SCUBE1: variants seen among roughly 807,000 people sequenced by gnomAD.
SCUBE1 encodes the protein signal peptide, CUB and EGF-like domain-containing protein 1.
A neutral mutation model predicts 124.4 loss-of-function variants in SCUBE1; 59 were observed. The observed-to-expected ratio is 0.47, with a 90% confidence interval of 0.38 to 0.59. The LOEUF (loss-of-function observed/expected upper bound fraction) is 0.59. Among genes scored for constraint, SCUBE1 ranks in the 20% least tolerant of loss-of-function variants. SCUBE1 has a pLI of 0.00. For missense variants in SCUBE1, 1,150 were observed against 1,371.2 expected, an observed-to-expected ratio of 0.84 and a Z score of 2.55; for synonymous variants, 545 against 550.9, an observed-to-expected ratio of 0.99 and a Z score of 0.15.
chr22:43,227,318 C>G, intron 10 of SCUBE1, 56 bp downstream of exon 10: 1 of 1,568,260 alleles, frequency 6.4e-7, no homozygotes, highest in Non-Finnish European at 8.6e-7. Flanking sequence ...GCCACTGTCC[C>G]TCCCATCCAA....
chr22:43,284,979 C>T (rs933608046), intron 4 of SCUBE1, among the ~76,000 whole-genome samples: 1 of 152,148 alleles, frequency 6.6e-6, no homozygotes, highest in Non-Finnish European at 1.5e-5. Context: ...CGTATTTATG[C>T]ACGTGTTTAA....
intron 6 of SCUBE1, among the ~76,000 whole-genome samples, chr22:43,242,628 G>A (rs574572300): frequency 1.3e-4 from 20 of 152,324 alleles, no homozygotes; most frequent in Middle Eastern, 3.4e-3. Context: ...TGTGGAGGGC[G>A]GCTCAGGCGC....
At position 43,292,904 on chromosome 22, in the gene SCUBE1, T is replaced by C. The variant is rs184668975; in HGVS notation, c.350-1724A>G. Among the ~76,000 whole-genome samples, 11 of 152,334 alleles carry C rather than the reference T, an allele frequency of 7.2e-5. No individual in the cohort carries two copies. In the East Asian group the frequency reaches 2.1e-3, roughly 29 times the overall value. ...TCTGAACTCTAAAAGCCGCCAGTGG[T>C]TACAGCTAAAATGGTAGAAGTGGCC... On this transcript the variant is annotated intron_variant, in intron 3 of 21. Transcript: ENST00000360835.
At chr22:43,254,147 A>G (rs1923566761) in intron 6 of SCUBE1, among the ~76,000 whole-genome samples, 1 of 152,246 alleles carries the variant, frequency 6.6e-6, no homozygotes, top group African/African-American at 2.4e-5. Context: ...GAATTTGAGG[A>G]GAACTAGCTT....
intron 3 of SCUBE1, among the ~76,000 whole-genome samples, chr22:43,312,318 A>G (rs1474056071): frequency 6.6e-6 from 1 of 152,220 alleles, no homozygotes; most frequent in African/African-American, 2.4e-5. Flanking sequence ...GGCGTGGGTC[A>G]CAGCAGACCT....
intron 2 of SCUBE1, among the ~76,000 whole-genome samples, chr22:43,338,790 G>A (rs760561826): frequency 6.6e-6 from 1 of 152,054 alleles, no homozygotes; most frequent in Non-Finnish European, 1.5e-5. Context: ...TGCCTGCCTC[G>A]GTCTCCCAAA....
chr22:43,299,051 CAAA>C (rs368762604), intron 3 of SCUBE1, among the ~76,000 whole-genome samples: 2 of 136,450 alleles, frequency 1.5e-5, no homozygotes, highest in African/African-American at 2.8e-5. Context: ...GACTCCGTCT[CAAA>C]AAAAAAAAAA....
At chr22:43,206,308 ACAC>A (rs1044580948) in intron 21 of SCUBE1, among the ~76,000 whole-genome samples, 33 of 149,740 alleles carry the variant, frequency 2.2e-4, no homozygotes, top group African/African-American at 6.9e-4. Context: ...CCCTACACAC[ACAC>A]CACAGTCACC....
At position 43,214,508 on chromosome 22, in the gene SCUBE1, G is replaced by A. The variant is rs185697570; in HGVS notation, c.1892-257C>T. The stretch of plus-strand genomic sequence containing the variant: ...TCTGTGGACCCCTCCATCTCCACCC[G>A]CTTATAGAAGCCTGTGGTCCCCACC... On this transcript the variant is annotated intron_variant, in intron 15 of 21. Coordinates refer to ENST00000360835, the MANE Select transcript of SCUBE1 (RefSeq NM_173050.5). Among the ~76,000 whole-genome samples, 556 of 152,292 alleles carry A rather than the reference G, an allele frequency of 3.7e-3. 1 individual carries two copies. The highest frequency in any genetic ancestry group is 0.01 in the Middle Eastern group (3 of 294).
In SCUBE1 at chr22:43,203,128, G is replaced by A. The variant is rs1185568839; in HGVS notation, c.*869C>T. 6.6e-6 allele frequency: 1 copy of A among 152,206 alleles called. No homozygotes were observed. The highest frequency in any genetic ancestry group is 2.4e-5 in the African/African-American group (1 of 41,448). 9.4% of individuals were successfully genotyped at this position (152,206 alleles called of 1,614,324 possible). A position where few individuals can be genotyped will look rare whatever the true frequency, so the allele number is the denominator to read the frequency against. ...AGCAGAGCATCTGAGCCTAGTTCTCGAAGAATTCGTGTTCAGAAGCAAGTC... is the reference window on the plus strand; with the variant it reads ...AGCAGAGCATCTGAGCCTAGTTCTCAAAGAATTCGTGTTCAGAAGCAAGTC... On this transcript the variant is annotated 3_prime_UTR_variant, in exon 22 of 22. Coordinates refer to ENST00000360835, the MANE Select transcript of SCUBE1 (RefSeq NM_173050.5).
chr22:43,207,114 T>G (rs925986931), intron 21 of SCUBE1, among the ~76,000 whole-genome samples: 5 of 152,042 alleles, frequency 3.3e-5, no homozygotes, highest in Non-Finnish European at 7.4e-5. Flanking sequence ...GCCCTGCCTC[T>G]CCAGGCTGGA....
intron 3 of SCUBE1, among the ~76,000 whole-genome samples, chr22:43,306,708 C>T (rs1431667419): frequency 1.3e-5 from 2 of 152,182 alleles, no homozygotes; most frequent in African/African-American, 4.8e-5. Context: ...ATCCCCAGAG[C>T]CCTGTCCTGG....
intron 7 of SCUBE1, 24 bp from the exon 8 acceptor site, chr22:43,231,899 G>GGA: frequency 6.2e-7 from 1 of 1,609,884 alleles, no homozygotes; most frequent in Non-Finnish European, 8.5e-7. Flanking sequence ...GGGGGATGGA[G>GGA]GAGTGAGAGC....
chr22:43,260,446 C>T (rs1923830335), intron 5 of SCUBE1, among the ~76,000 whole-genome samples: 1 of 152,260 alleles, frequency 6.6e-6, no homozygotes, highest in African/African-American at 2.4e-5. Context: ...CGGATGACAG[C>T]TTGGTTCAGA....
In SCUBE1 at chr22:43,198,333, C is replaced by T. The variant is rs576533447; in HGVS notation, c.*5664G>A. 1.0e-4 allele frequency: 37 copies of T among 358,900 alleles called. No homozygotes were observed. The highest frequency in any genetic ancestry group is 6.0e-4 in the African/African-American group (28 of 46,906). The allele number at this position is 358,900 out of a possible 1,614,324, so 22.2% of individuals were successfully genotyped here. A position where few individuals can be genotyped will look rare whatever the true frequency, so the allele number is the denominator to read the frequency against. On this transcript the variant is annotated 3_prime_UTR_variant, in exon 22 of 22. Transcript: ENST00000360835. ...GGGACTGGAGAGGCCTTGAGGCCAT[C>T]GCAGCAGATGCTGGGAGGGCACGCA... is the stretch of plus-strand genomic sequence containing the variant.
intron 2 of SCUBE1, among the ~76,000 whole-genome samples, chr22:43,332,738 T>C (rs1476095792): frequency 6.6e-6 from 1 of 152,154 alleles, no homozygotes; most frequent in African/African-American, 2.4e-5. Context: ...TCAGAGTCTG[T>C]GAGGTTCTGG....
intron 2 of SCUBE1, among the ~76,000 whole-genome samples, chr22:43,330,880 G>A (rs1194441718): frequency 2.6e-5 from 4 of 152,134 alleles, no homozygotes; most frequent in South Asian, 2.1e-4. Flanking sequence ...TTTCATCTTC[G>A]GCAGAGCACA....
In SCUBE1 at chr22:43,234,192, T is replaced by C. The variant is rs1313261162; in HGVS notation, c.845-2317A>G. On this transcript the variant is annotated intron_variant, in intron 7 of 21. Coordinates refer to ENST00000360835, the MANE Select transcript of SCUBE1 (RefSeq NM_173050.5). The surrounding 1 kb of genome is among the most constrained non-coding windows in gnomAD (Gnocchi z 4.4). ...TATAGGCAGATGGGGAATTTCTAGA[T>C]AGAAGTCTCAGGTAGAAGAACAGAG... is the stretch of plus-strand genomic sequence containing the variant. Among the ~76,000 whole-genome samples the C allele has an allele frequency of 6.6e-6, 1 of 152,052 alleles. No homozygotes were observed. Among genetic ancestry groups the C allele is most frequent in the African/African-American group, 2.4e-5 (1 of 41,398 alleles).
chr22:43,315,597 C>T (rs1364182987), intron 3 of SCUBE1, among the ~76,000 whole-genome samples: 1 of 152,064 alleles, frequency 6.6e-6, no homozygotes, highest in East Asian at 1.9e-4. Context: ...GGAGTTTTGT[C>T]TTGAGAAAGA....
Sources: gnomAD v4.1 joint callset for allele counts (sites outside exome capture counted in the v4.1 genomes callset) on GRCh38, gnomAD v4.1.1 for gene constraint, Gnocchi (gnomAD v3.1) non-coding constraint, MANE v1.5 for transcripts, NCBI Gene and HGNC (gene_info 2026-07-23, HGNC 2026-07-21) for gene names.